Variants in MKNK1 observed in about 807,000 individuals in gnomAD.
The protein encoded by MKNK1 is MAP kinase-interacting serine/threonine-protein kinase 1.
MKNK1 carries 30 observed loss-of-function variants against 49.3 expected under a neutral mutation model. The ratio of observed to expected loss-of-function variants is 0.61; its 90% confidence interval spans 0.46 to 0.83. The LOEUF is 0.83. Among genes scored for constraint, MKNK1 ranks in the 40% least tolerant of loss-of-function variants. MKNK1 has a pLI of 0.00. For missense variants in MKNK1, 423 were observed against 524.7 expected, an observed-to-expected ratio of 0.81 and a Z score of 1.89; for synonymous variants, 176 against 201.7, an observed-to-expected ratio of 0.87 and a Z score of 1.08.
intron 8 of MKNK1, chr1:46,565,346 AGGG>A: frequency 1.7e-6 from 1 of 574,410 alleles, no homozygotes; most frequent in Non-Finnish European, 3.1e-6. Context: ...TTCCCATCTA[AGGG>A]AAAAATGGGT....
At chr1:46,581,943 G>A (rs979531118) in intron 3 of MKNK1, among the ~76,000 whole-genome samples, 9 of 151,958 alleles carry the variant, frequency 5.9e-5, no homozygotes, top group Non-Finnish European at 1.2e-4. Flanking sequence ...ATCCCCACTC[G>A]GCCTCCATTC....
At position 46,562,819 on chromosome 1, in the gene MKNK1, G is replaced by A. The variant is rs780979556; in HGVS notation, c.634C>T (p.Pro212Ser). ...TPCGSAEYMA[P>S]EVVEVFTDQA... ...TCCGTGAAGACCTCCACTACCTCAG[G>A]GGCCATGTATTCTGCAGAGCCACAC... The change falls in exon 10 of 13, where the codon CCT becomes TCT. Residue 212 changes from proline (P) to serine (S), a missense_variant. Coordinates refer to ENST00000371945, the MANE Select transcript of MKNK1 (RefSeq NM_001135553.4). The A allele has an allele frequency of 5.6e-6, 9 of 1,612,522 alleles. No homozygotes were observed. The highest frequency in any genetic ancestry group is 2.7e-5 in the African/African-American group (2 of 74,858).
At chr1:46,588,723 C>A (rs957150610) in intron 2 of MKNK1, among the ~76,000 whole-genome samples, 1 of 150,306 alleles carries the variant, frequency 6.7e-6, no homozygotes, top group Non-Finnish European at 1.5e-5. Flanking sequence ...AGGAGAATGG[C>A]GTAAACCCCG....
intron 7 of MKNK1, among the ~76,000 whole-genome samples, chr1:46,570,646 C>T (rs138920554): frequency 3.7e-4 from 56 of 152,340 alleles, no homozygotes; most frequent in African/African-American, 1.3e-3. Context: ...GGCCAACATC[C>T]GCAACAGCAG....
chr1:46,578,995 C>T (rs1454212704), intron 4 of MKNK1, among the ~76,000 whole-genome samples: 1 of 152,160 alleles, frequency 6.6e-6, no homozygotes, highest in Non-Finnish European at 1.5e-5. Context: ...CTCAGGTGAT[C>T]AGCCCGCCTC....
chr1:46,567,222 C>G (rs188602271), intron 8 of MKNK1, among the ~76,000 whole-genome samples: 1 of 152,196 alleles, frequency 6.6e-6, no homozygotes, highest in East Asian at 1.9e-4. Context: ...GGATTATAGG[C>G]GTGAGCCACT....
chr1:46,573,256 CT>C (rs1345822199), intron 6 of MKNK1, among the ~76,000 whole-genome samples: 1 of 152,182 alleles, frequency 6.6e-6, no homozygotes, highest in Non-Finnish European at 1.5e-5. Context: ...TGTGGTCTGA[CT>C]GCTGCAGGGA....
At chr1:46,562,452 C>T (rs2148556803) in intron 10 of MKNK1, among the ~76,000 whole-genome samples, 197 bp downstream of exon 10, 1 of 149,388 alleles carries the variant, frequency 6.7e-6, no homozygotes, top group East Asian at 2.0e-4. Flanking sequence ...TCTAACAATC[C>T]TGCCCTGAAC....
In MKNK1 at chr1:46,564,770, C is replaced by T. The variant is rs530957879; in HGVS notation, c.609+271G>A. 9.1e-4 allele frequency among the ~76,000 whole-genome samples: 138 copies of T among 152,162 alleles called. 1 individual carries two copies. The highest frequency in any genetic ancestry group is 2.9e-3 in the African/African-American group (122 of 41,514). On this transcript the variant is annotated intron_variant, in intron 9 of 12. Transcript: ENST00000371945. ...GATTACAGGCATGAGCCATTGCAAA[C>T]GGCCAGCCTGTGCTTATAGATATAA...
At chr1:46,577,255 G>T (rs1033669331) in intron 4 of MKNK1, among the ~76,000 whole-genome samples, 7 of 152,144 alleles carry the variant, frequency 4.6e-5, no homozygotes, top group African/African-American at 1.7e-4. Flanking sequence ...GAGGTGGGTG[G>T]ATCACCTGAG....
chr1:46,584,318 C>T (rs1458580653), intron 2 of MKNK1, among the ~76,000 whole-genome samples: 1 of 152,128 alleles, frequency 6.6e-6, no homozygotes, highest in Non-Finnish European at 1.5e-5. Flanking sequence ...ATACTCTTTG[C>T]CTGCAGTTAG....
chr1:46,599,727 G>C (rs529218419), intron 1 of MKNK1, among the ~76,000 whole-genome samples: 7 of 152,302 alleles, frequency 4.6e-5, no homozygotes, highest in Non-Finnish European at 8.8e-5. Flanking sequence ...TTTGAACCAA[G>C]CTGTGCCCTT....
chr1:46,593,855 G>T (rs76556995), intron 2 of MKNK1: 1 of 127,036 alleles, frequency 7.9e-6, no homozygotes, highest in East Asian at 2.0e-4. Context: ...GACTCTATCT[G>T]AAAAAAAAAA....
At position 46,568,865 on chromosome 1, in the gene MKNK1, CTTGT is replaced by C. The variant is rs890942559; in HGVS notation, c.458-371_458-368del. 15 of 198,228 alleles carry C rather than the reference CTTGT, an allele frequency of 7.6e-5. No homozygotes were observed. The East Asian group carries it at 2.1e-3, about 28-fold the overall frequency. 12.3% of individuals were successfully genotyped at this position (198,228 alleles called of 1,614,324 possible). A position where few individuals can be genotyped will look rare whatever the true frequency, so the allele number is the denominator to read the frequency against. On this transcript the variant is annotated intron_variant, in intron 7 of 12. Transcript: ENST00000371945. ...ACAGCAATGCAGAAATAATTAGTGC[CTTGT>C]TTAAGAGCATCTCAGGGGGCTTAAC...
At position 46,601,873 on chromosome 1, in the gene MKNK1, G is replaced by C. The variant is rs916172313; in HGVS notation, c.-171+2312C>G. 4.0e-4 allele frequency among the ~76,000 whole-genome samples: 61 copies of C among 152,204 alleles called. 1 individual carries two copies. Among genetic ancestry groups the C allele is most frequent in the Non-Finnish European group, 1.0e-4 (7 of 68,042 alleles). On this transcript the variant is annotated intron_variant, in intron 1 of 12. Coordinates refer to ENST00000371945, the MANE Select transcript of MKNK1 (RefSeq NM_001135553.4). ...TGGTCCCTTGCCACCCACGTACTCA[G>C]AGTACATATGGAGTGTACATATCCC...
chr1:46,587,976 G>A (rs1672813375), intron 2 of MKNK1, among the ~76,000 whole-genome samples: 1 of 152,180 alleles, frequency 6.6e-6, no homozygotes, highest in South Asian at 2.1e-4. Context: ...ATTTTAAAAA[G>A]TGCCAACTAC....
intron 7 of MKNK1, chr1:46,570,212 T>C (rs1435886262): frequency 6.6e-6 from 1 of 152,164 alleles, no homozygotes; most frequent in Non-Finnish European, 1.5e-5. Context: ...CTTCAGTGCA[T>C]TCTTGTAAAT....
Position 46,583,255 on chromosome 1 carries a change from T to C in MKNK1, c.73A>G (p.Thr25Ala). The C allele has an allele frequency of 6.2e-7, 1 of 1,614,036 alleles. No individual in the cohort carries two copies. Among genetic ancestry groups the C allele is most frequent in the South Asian group, 1.1e-5 (1 of 91,054 alleles). Reference sequence around the variant, plus strand: ...TCAAACTTTCCTGGCAAGGAGTCAGTGGCCCGGCCCCTCCGCTTCTTCTTC... The same window carrying C: ...TCAAACTTTCCTGGCAAGGAGTCAGCGGCCCGGCCCCTCCGCTTCTTCTTC... Reference protein sequence around the residue: ...RRKKKRRGRATDSLPGKFEDM... With the variant: ...RRKKKRRGRAADSLPGKFEDM... Residue 25 changes from threonine to alanine, a missense_variant, in exon 3 of 13, where the codon ACT becomes GCT. Physicochemically the swap from Thr to Ala is moderately conservative, Grantham distance 58. Transcript: ENST00000371945.
chr1:46,569,403 G>A (rs2148619969), intron 7 of MKNK1: 1 of 152,430 alleles, frequency 6.6e-6, no homozygotes, highest in East Asian at 1.9e-4. Flanking sequence ...GGGTCATGGT[G>A]TTTTGGTGGA....
Sources: gnomAD v4.1 joint callset for allele counts (sites outside exome capture counted in the v4.1 genomes callset) on GRCh38, gnomAD v4.1.1 for gene constraint, MANE v1.5 for transcripts, NCBI Gene and HGNC (gene_info 2026-07-23, HGNC 2026-07-21) for gene names.